Variants in EML6 observed in about 807,000 individuals in gnomAD.
EML6 encodes the protein echinoderm microtubule-associated protein-like 6.
Under a neutral mutation model 240.1 loss-of-function variants are expected in EML6, and 154 were observed. That is an observed-to-expected ratio of 0.64 (90% CI 0.56 to 0.73). EML6 has a LOEUF of 0.73. Among genes scored for constraint, EML6 ranks in the 30% least tolerant of loss-of-function variants. The probability of loss-of-function intolerance (pLI) is 0.00; values close to 1 mark genes in which losing one functional copy is unlikely to be tolerated. For synonymous variants in EML6, 1,148 were observed against 899.0 expected, an observed-to-expected ratio of 1.28 and a Z score of -4.95; for missense variants, 2,964 against 2,474.6, an observed-to-expected ratio of 1.20 and a Z score of -4.20.
At chr2:54,824,699 T>C (rs971426127) in intron 5 of EML6, among the ~76,000 whole-genome samples, 1 of 152,180 alleles carries the variant, frequency 6.6e-6, no homozygotes, top group Non-Finnish European at 1.5e-5. Context: ...ACTGGTTTTA[T>C]AGCAAATGAG....
intron 32 of EML6, 43 bp from the exon 33 acceptor site, chr2:54,957,747 A>G (rs1357008864): frequency 3.3e-6 from 5 of 1,537,330 alleles, no homozygotes; most frequent in Non-Finnish European, 1.8e-6. Context: ...GGCCTGGCCC[A>G]TGAAGCAATG....
At chr2:54,894,412 T>C (rs1001291652) in intron 19 of EML6, among the ~76,000 whole-genome samples, 1 of 152,204 alleles carries the variant, frequency 6.6e-6, no homozygotes, top group African/African-American at 2.4e-5. Context: ...TTGAATGAAA[T>C]AGGATCGTTT....
intron 2 of EML6, among the ~76,000 whole-genome samples, chr2:54,759,593 G>T (rs1208086007): frequency 6.6e-6 from 1 of 151,988 alleles, no homozygotes; most frequent in African/African-American, 2.4e-5. Flanking sequence ...ATTAGCAATG[G>T]ATGCCAAATC....
In EML6 at chr2:54,755,192, C is replaced by T. The variant is rs138160803; in HGVS notation, c.197+29934C>T. 4.6e-5 allele frequency among the ~76,000 whole-genome samples: 7 copies of T among 152,274 alleles called. No homozygotes were observed. In the East Asian group the frequency reaches 1.3e-3, roughly 29 times the overall value. On this transcript the variant is annotated intron_variant, in intron 2 of 41. Coordinates refer to ENST00000356458, the MANE Select transcript of EML6 (RefSeq NM_001039753.4). ...CAACCTTGTCATAAATCAGGCAGCC[C>T]TAATAAGTCTGTTTCTGGATTCCAT...
intron 2 of EML6, among the ~76,000 whole-genome samples, chr2:54,763,157 G>A (rs1668049787): frequency 1.3e-5 from 2 of 152,104 alleles, no homozygotes; most frequent in South Asian, 4.1e-4. Flanking sequence ...AATAGTTTCA[G>A]GATTGTATAC....
At chr2:54,783,709 A>C (rs1419106337) in intron 2 of EML6, among the ~76,000 whole-genome samples, 1 of 152,216 alleles carries the variant, frequency 6.6e-6, no homozygotes, top group Non-Finnish European at 1.5e-5. Context: ...TTTTGAGAAG[A>C]CAAGATTTTT....
intron 2 of EML6, among the ~76,000 whole-genome samples, chr2:54,734,572 C>T (rs1352725789): frequency 6.6e-6 from 1 of 152,126 alleles, no homozygotes; most frequent in Non-Finnish European, 1.5e-5. Flanking sequence ...GGAAATGAGG[C>T]TGATATTGGC....
rs113514485 is a variant in EML6 at position 54,733,691 on chromosome 2, G to A, written c.197+8433G>A. On this transcript the variant is annotated intron_variant, in intron 2 of 41. Transcript: ENST00000356458. ...CACCTCAGTCCCCTGAGTACAATCC[G>A]TCTTGGTCCTACAGTACCAACTGAA... Among the ~76,000 whole-genome samples, 565 of 152,182 alleles carry A rather than the reference G, an allele frequency of 3.7e-3. 5 individuals carry two copies. Among genetic ancestry groups the A allele is most frequent in the African/African-American group, 0.013 (543 of 41,500 alleles).
intron 36 of EML6, among the ~76,000 whole-genome samples, chr2:54,963,639 G>C (rs1243636789): frequency 6.6e-6 from 1 of 152,170 alleles, no homozygotes; most frequent in Admixed American, 6.5e-5. Context: ...TACAAGTCCA[G>C]CTGCCCTCAT....
chr2:54,964,083 T>G lies in EML6; in HGVS notation c.5255T>G (p.Phe1752Cys), dbSNP rs1360592153. 2.6e-6 allele frequency: 4 copies of G among 1,551,594 alleles called. No homozygotes were observed. The highest frequency in any genetic ancestry group is 3.5e-6 in the Non-Finnish European group (4 of 1,147,012). The change falls in exon 37 of 42, where the codon TTT (phenylalanine) becomes TGT (cysteine). Residue 1752 changes from phenylalanine (F) to cysteine (C), a missense_variant. Transcript: ENST00000356458. ...GCCATTGGCATGAAGAATGGAGAGTTTGTCATCTTGTTGGTGAACAGCCTG... is the reference window on the plus strand; with the variant it reads ...GCCATTGGCATGAAGAATGGAGAGTGTGTCATCTTGTTGGTGAACAGCCTG... Reference protein sequence around the residue: ...MVAIGMKNGEFVILLVNSLKV... With the variant: ...MVAIGMKNGECVILLVNSLKV...
chr2:54,798,596 G>A lies in EML6; in HGVS notation c.198-14636G>A, dbSNP rs187802267. On this transcript the variant is annotated intron_variant, in intron 2 of 41. Transcript: ENST00000356458. ...AATTGTTTTCCAAAATATTGCTACC[G>A]GTACCTACAAATTGATTTTCGTATA... Among the ~76,000 whole-genome samples, 5 of 152,132 alleles carry A rather than the reference G, an allele frequency of 3.3e-5. No homozygotes were observed. The East Asian group carries it at 5.8e-4, about 18-fold the overall frequency.
intron 11 of EML6, among the ~76,000 whole-genome samples, chr2:54,856,916 CAA>C (rs1287157589): frequency 6.6e-6 from 1 of 152,012 alleles, no homozygotes; most frequent in African/African-American, 2.4e-5. Flanking sequence ...GTGGCTTGGA[CAA>C]AGATACTAGG....
At chr2:54,739,142 T>G (rs1266774947) in intron 2 of EML6, among the ~76,000 whole-genome samples, 1 of 152,224 alleles carries the variant, frequency 6.6e-6, no homozygotes, top group Admixed American at 6.5e-5. Context: ...GGAAATTCTT[T>G]TGAAATATGG....
intron 2 of EML6, among the ~76,000 whole-genome samples, chr2:54,762,451 A>G (rs1042409701): frequency 6.6e-6 from 1 of 152,174 alleles, no homozygotes; most frequent in Admixed American, 6.5e-5. Context: ...TTTTCTAATT[A>G]TAGAGTAATT....
rs559529845 is a variant in EML6, at chr2:54,945,082, C to T, written c.4005-3800C>T. 9.0e-5 allele frequency among the ~76,000 whole-genome samples: 11 copies of T among 121,670 alleles called. 1 individual carries two copies. In the East Asian group the frequency reaches 2.9e-3, roughly 32 times the overall value. The allele number at this position is 121,670 out of a possible 152,430, so 79.8% of individuals were successfully genotyped here. A position where few individuals can be genotyped will look rare whatever the true frequency, so the allele number is the denominator to read the frequency against. On this transcript the variant is annotated intron_variant, in intron 28 of 41. Transcript: ENST00000356458. ...TCTCTGCCTCCCCCTTCTCCCATTC[C>T]TCCCTCTCTCCCTCCTCTCCCACTC...
intron 2 of EML6, among the ~76,000 whole-genome samples, chr2:54,741,172 C>T (rs1683612376): frequency 6.6e-6 from 1 of 152,148 alleles, no homozygotes; most frequent in Non-Finnish European, 1.5e-5. Flanking sequence ...CCAAGTGCAG[C>T]TGATCTTGGC....
At chr2:54,968,552 G>C in intron 40 of EML6, 116 bp from the exon 41 acceptor site, 1 of 724,568 alleles carries the variant, frequency 1.4e-6, no homozygotes, top group Non-Finnish European at 2.4e-6. Context: ...CAGACCAAAT[G>C]GAAGTCCCCA....
chr2:54,898,920 T>C (rs922001601), intron 21 of EML6, among the ~76,000 whole-genome samples: 21 of 152,222 alleles, frequency 1.4e-4, no homozygotes, highest in African/African-American at 5.1e-4. Flanking sequence ...TACTGCTTTC[T>C]CTTAGTTATT....
At chr2:54,738,597 T>TCC (rs1291347583) in intron 2 of EML6, among the ~76,000 whole-genome samples, 2 of 152,192 alleles carry the variant, frequency 1.3e-5, no homozygotes, top group Non-Finnish European at 2.9e-5. Context: ...AAAGGTGACC[T>TCC]CCATCCTCAC....
Sources: allele counts gnomAD v4.1 joint callset (sites outside exome capture counted in the v4.1 genomes callset), GRCh38; gene constraint gnomAD v4.1.1; transcripts MANE v1.5; gene names NCBI Gene and HGNC (gene_info 2026-07-23, HGNC 2026-07-21).